Variants in VAPA observed in about 807,000 individuals in gnomAD.
The protein encoded by VAPA is vesicle-associated membrane protein-associated protein A.
VAPA carries 6 observed loss-of-function variants against 25.6 expected under a neutral mutation model. The ratio of observed to expected loss-of-function variants is 0.23; its 90% CI spans 0.13 to 0.46. VAPA has a LOEUF of 0.46. VAPA is among the 20% of genes least tolerant of loss of function. The probability of loss-of-function intolerance (pLI) is 0.99; values close to 1 mark genes in which losing one functional copy is unlikely to be tolerated. For missense variants in VAPA, 244 were observed against 302.1 expected, an observed-to-expected ratio of 0.81 and a Z score of 1.43; for synonymous variants, 112 against 106.2, an observed-to-expected ratio of 1.05 and a Z score of -0.34.
At chr18:9,924,936 C>A (rs1157405625) in intron 1 of VAPA, 1 of 151,486 alleles carries the variant, frequency 6.6e-6, no homozygotes, top group South Asian at 2.1e-4. Context: ...AAATGAGCAT[C>A]TCCCTTGCCC....
intron 4 of VAPA, chr18:9,948,245 C>T (rs1469526748): frequency 6.6e-6 from 1 of 152,032 alleles, no homozygotes; most frequent in Admixed American, 6.6e-5. Context: ...AAATCTAATT[C>T]CAATCTAGTT....
chr18:9,942,965 G>A (rs1163782462), intron 4 of VAPA, among the ~76,000 whole-genome samples: 1 of 152,204 alleles, frequency 6.6e-6, no homozygotes. Flanking sequence ...TACCCCACTT[G>A]TGTGAGGATT....
chr18:9,944,910 C>G (rs368366710), intron 4 of VAPA: 5 of 1,612,586 alleles, frequency 3.1e-6, no homozygotes, highest in Non-Finnish European at 4.2e-6. Flanking sequence ...AATATGTTTC[C>G]CATGCCATCT....
chr18:9,924,525 G>C (rs1355299685), intron 1 of VAPA, among the ~76,000 whole-genome samples: 1 of 152,172 alleles, frequency 6.6e-6, no homozygotes, highest in Non-Finnish European at 1.5e-5. Context: ...TTGTTTTCAA[G>C]ATTATGTCAC....
In VAPA at chr18:9,954,447, C is replaced by A; in HGVS notation, c.*236C>A. On this transcript the variant is annotated 3_prime_UTR_variant, in exon 6 of 6. Transcript: ENST00000400000. ...GATCATCACTAGCAGATGTCAGTTG[C>A]ACATTGAGTCCTTTATGAAATTCAT... 1 of 412,106 alleles carries A rather than the reference C, an allele frequency of 2.4e-6. No homozygotes were observed. Among genetic ancestry groups the A allele is most frequent in the Non-Finnish European group, 4.3e-6 (1 of 235,016 alleles). The allele number at this position is 412,106 out of a possible 1,614,324, so 25.5% of individuals were successfully genotyped here. A position where few individuals can be genotyped will look rare whatever the true frequency, so the allele number is the denominator to read the frequency against.
chr18:9,939,353 G>A (rs1330597625), intron 4 of VAPA, among the ~76,000 whole-genome samples: 1 of 151,588 alleles, frequency 6.6e-6, no homozygotes, highest in African/African-American at 2.4e-5. Flanking sequence ...TTGTAGAGAC[G>A]GGATTTTGCC....
Position 9,914,180 on chromosome 18 carries a change from C to T in VAPA, c.-77C>T. 1 of 1,340,674 alleles carries T rather than the reference C, an allele frequency of 7.5e-7. No individual in the cohort carries two copies. Among genetic ancestry groups the T allele is most frequent in the Non-Finnish European group, 1.0e-6 (1 of 980,010 alleles). 83.0% of individuals were successfully genotyped at this position (1,340,674 alleles called of 1,614,324 possible). On this transcript the variant is annotated 5_prime_UTR_variant, in exon 1 of 6. Transcript: ENST00000400000. ...GCCTCGTCCTAGAGCTCGGCCGAGC[C>T]GTCGCCGCCGTCGTCCCCCGCCCCC...
intron 1 of VAPA, among the ~76,000 whole-genome samples, chr18:9,920,529 C>G (rs2069147906): frequency 6.6e-6 from 1 of 152,182 alleles, no homozygotes; most frequent in African/African-American, 2.4e-5. Flanking sequence ...TCTCCCTGAC[C>G]TCAAGTGATC....
intron 4 of VAPA, among the ~76,000 whole-genome samples, chr18:9,939,593 A>G (rs1005899833): frequency 1.3e-5 from 2 of 150,870 alleles, no homozygotes; most frequent in African/African-American, 4.9e-5. Context: ...TTCCCACAGA[A>G]TTGATTTTGC....
chr18:9,955,755 C>T lies in VAPA; in HGVS notation c.*1544C>T, dbSNP rs993940956. ...ATCACACATATATTGTGTTATTGGG[C>T]GCTGTGGTATCTTTTATAAAACCTC... On this transcript the variant is annotated 3_prime_UTR_variant, in exon 6 of 6. Transcript: ENST00000400000. 4.6e-5 allele frequency: 7 copies of T among 152,238 alleles called. No homozygotes were observed. The highest frequency in any genetic ancestry group is 2.1e-4 in the South Asian group (1 of 4,822). The allele number at this position is 152,238 out of a possible 1,614,324, so 9.4% of individuals were successfully genotyped here. A position where few individuals can be genotyped will look rare whatever the true frequency, so the allele number is the denominator to read the frequency against.
At chr18:9,931,697 C>T in intron 1 of VAPA, 113 bp from the exon 2 acceptor site, 1 of 900,050 alleles carries the variant, frequency 1.1e-6, no homozygotes, top group Non-Finnish European at 1.6e-6. Flanking sequence ...ATATTTATGC[C>T]TACAAATGTC....
rs532157609 is a variant in VAPA, at chr18:9,941,130, T to A, written c.417+4064T>A. Among the ~76,000 whole-genome samples, 17 of 151,936 alleles carry A rather than the reference T, an allele frequency of 1.1e-4. No individual in the cohort carries two copies. In the South Asian group the frequency reaches 2.3e-3, roughly 20 times the overall value. ...TATATTTAACCCAGTATTTTTTTTT[T>A]AATTTAAAATAACCTAATTAACTTA... On this transcript the variant is annotated intron_variant, in intron 4 of 5. Transcript: ENST00000400000.
At chr18:9,944,100 T>C (rs1308062297) in intron 4 of VAPA, among the ~76,000 whole-genome samples, 2 of 151,908 alleles carry the variant, frequency 1.3e-5, no homozygotes, top group Non-Finnish European at 2.9e-5. Context: ...CCGCCCGCCT[T>C]GGCCTCCCAA....
chr18:9,945,507 G>A (rs746226934), intron 4 of VAPA, among the ~76,000 whole-genome samples: 2 of 151,606 alleles, frequency 1.3e-5, no homozygotes, highest in South Asian at 2.1e-4. Context: ...GTACAGGCAC[G>A]TGCCACCATG....
At chr18:9,953,966 C>T in intron 5 of VAPA, 87 bp from the exon 6 acceptor site, 1 of 1,534,414 alleles carries the variant, frequency 6.5e-7, no homozygotes, top group Non-Finnish European at 8.9e-7. Flanking sequence ...CACTAATCTA[C>T]TTTCCGTCCC....
chr18:9,917,230 T>G (rs972099843), intron 1 of VAPA, among the ~76,000 whole-genome samples: 3 of 152,250 alleles, frequency 2.0e-5, no homozygotes, highest in Admixed American at 1.3e-4. Context: ...TTTTTGTCTT[T>G]AAAATTTTTT....
intron 3 of VAPA, 81 bp downstream of exon 3, chr18:9,936,294 T>C: frequency 1.1e-6 from 1 of 903,128 alleles, no homozygotes; most frequent in Non-Finnish European, 1.6e-6. Flanking sequence ...AAAAACTTAA[T>C]TTCTAAAAAC....
chr18:9,936,240 G>C, intron 3 of VAPA, 27 bp downstream of exon 3: 1 of 1,483,344 alleles, frequency 6.7e-7, no homozygotes, highest in Non-Finnish European at 9.2e-7. Flanking sequence ...AATTTGTTTT[G>C]GGAAGTGGAG....
chr18:9,915,226 CT>C (rs2069102331), intron 1 of VAPA, among the ~76,000 whole-genome samples: 2 of 152,160 alleles, frequency 1.3e-5, no homozygotes, highest in South Asian at 2.1e-4. Flanking sequence ...GTGCGTGTGA[CT>C]TTTTTGCTTT....
Sources: gnomAD v4.1 joint callset for allele counts (sites outside exome capture counted in the v4.1 genomes callset) on GRCh38, gnomAD v4.1.1 for gene constraint, MANE v1.5 for transcripts, NCBI Gene and HGNC (gene_info 2026-07-23, HGNC 2026-07-21) for gene names.